Variants in GALNT13 observed in about 807,000 individuals in gnomAD.
GALNT13 encodes the protein polypeptide N-acetylgalactosaminyltransferase 13.
In GALNT13, 28 loss-of-function variants were observed where a neutral mutation model predicts 64.2. The observed-to-expected ratio is 0.44, with a 90% CI of 0.32 to 0.60. GALNT13 has a LOEUF of 0.60. Ranked by LOEUF, GALNT13 falls within the 20% of genes least tolerant of loss-of-function variation. GALNT13 has a pLI of 0.05. For synonymous variants in GALNT13, 214 were observed against 224.6 expected, an observed-to-expected ratio of 0.95 and a Z score of 0.42; for missense variants, 577 against 669.8, an observed-to-expected ratio of 0.86 and a Z score of 1.53.
chr2:154,172,920 G>A (rs549763283), intron 4 of GALNT13, among the ~76,000 whole-genome samples: 2 of 152,104 alleles, frequency 1.3e-5, no homozygotes, highest in Non-Finnish European at 1.5e-5. Flanking sequence ...TGGATTCACT[G>A]CAATCCCTAT....
At chr2:154,434,416 C>T (rs1700846829) in intron 11 of GALNT13, among the ~76,000 whole-genome samples, 2 of 152,156 alleles carry the variant, frequency 1.3e-5, no homozygotes, top group South Asian at 4.1e-4. Flanking sequence ...CCCACCACCA[C>T]ACCCTGCTAA....
intron 3 of GALNT13, among the ~76,000 whole-genome samples, chr2:153,994,503 CA>C (rs1234503087): frequency 3.9e-5 from 6 of 152,176 alleles, no homozygotes. Flanking sequence ...CTGTCTTCCA[CA>C]ATGGTTGAAC....
Position 154,105,472 on chromosome 2 carries a change from G to T in GALNT13, c.143-34865G>T, listed in dbSNP as rs1293664137. Among the ~76,000 whole-genome samples, 3 of 152,214 alleles carry T rather than the reference G, an allele frequency of 2.0e-5. No individual in the cohort carries two copies. In the East Asian group the frequency reaches 5.8e-4, roughly 29 times the overall value. ...CAGTATTCAGTAAAGTAACATGCTT[G>T]TAGTAAAGTACAGGCTGGTAGTCTA... On this transcript the variant is annotated intron_variant, in intron 3 of 12. Coordinates refer to ENST00000392825, the MANE Select transcript of GALNT13 (RefSeq NM_052917.4).
At chr2:153,653,529 TG>T in the GALNT13 span, among the ~76,000 whole-genome samples, 1 of 152,110 alleles carries the variant, frequency 6.6e-6, no homozygotes, top group Admixed American at 6.6e-5. Context: ...AATTAGATGT[TG>T]TGTGAGATAA....
chr2:153,565,580 T>C, the GALNT13 span, among the ~76,000 whole-genome samples: 26 of 152,216 alleles, frequency 1.7e-4, 1 homozygote, highest in Admixed American at 1.7e-3. Flanking sequence ...ACTATGACTA[T>C]AGGCAAGACA....
chr2:153,164,805 T>C, the GALNT13 span, among the ~76,000 whole-genome samples: 1 of 152,208 alleles, frequency 6.6e-6, no homozygotes, highest in Non-Finnish European at 1.5e-5. Flanking sequence ...TAATAGGACT[T>C]TGTACTCATT....
At chr2:154,010,368 TTTTG>T (rs1322067178) in intron 3 of GALNT13, among the ~76,000 whole-genome samples, 3 of 152,198 alleles carry the variant, frequency 2.0e-5, no homozygotes, top group African/African-American at 7.2e-5. Context: ...TTTGTTTTAG[TTTTG>T]TTTATGTGAT....
At chr2:154,157,755 C>T (rs1187845002) in intron 4 of GALNT13, among the ~76,000 whole-genome samples, 1 of 152,148 alleles carries the variant, frequency 6.6e-6, no homozygotes, top group Non-Finnish European at 1.5e-5. Flanking sequence ...AGCAAAATTG[C>T]TATTGCCGAG....
At chr2:153,079,044 G>T in the GALNT13 span, among the ~76,000 whole-genome samples, 1 of 152,130 alleles carries the variant, frequency 6.6e-6, no homozygotes, top group East Asian at 1.9e-4. Context: ...TATAGGTTTT[G>T]TTGTTACTTA....
At chr2:153,973,270 A>T (rs1037497649) in intron 3 of GALNT13, among the ~76,000 whole-genome samples, 1 of 151,962 alleles carries the variant, frequency 6.6e-6, no homozygotes, top group African/African-American at 2.4e-5. Flanking sequence ...GACCTCTATA[A>T]TTTACAACCT....
the GALNT13 span, among the ~76,000 whole-genome samples, chr2:153,794,185 A>C: frequency 6.6e-6 from 1 of 152,206 alleles, no homozygotes; most frequent in African/African-American, 2.4e-5. Flanking sequence ...CTAGGTTAAT[A>C]AACTTTTAAA....
the GALNT13 span, among the ~76,000 whole-genome samples, chr2:153,627,378 A>G: frequency 2.0e-5 from 3 of 152,130 alleles, no homozygotes; most frequent in African/African-American, 7.2e-5. Context: ...GCAAAGTAGA[A>G]TAAGTAGATA....
chr2:153,096,007 T>C, the GALNT13 span, among the ~76,000 whole-genome samples: 2 of 151,910 alleles, frequency 1.3e-5, no homozygotes, highest in African/African-American at 2.4e-5. Context: ...GTTGTGCACA[T>C]GTACCCTAGA....
the GALNT13 span, among the ~76,000 whole-genome samples, chr2:153,656,057 C>T: frequency 6.6e-6 from 1 of 152,222 alleles, no homozygotes; most frequent in Non-Finnish European, 1.5e-5. Context: ...TGGTATGTCT[C>T]CGTAATTAAA....
intron 4 of GALNT13, among the ~76,000 whole-genome samples, chr2:154,205,459 G>A (rs916405216): frequency 6.6e-6 from 1 of 152,150 alleles, no homozygotes; most frequent in African/African-American, 2.4e-5. Context: ...TTGTAAATTA[G>A]CTAGGCAATA....
chr2:153,132,973 G>A, the GALNT13 span, among the ~76,000 whole-genome samples: 2 of 151,684 alleles, frequency 1.3e-5, no homozygotes, highest in African/African-American at 2.4e-5. Flanking sequence ...TCTACCTGCC[G>A]TGGCCTCCCA....
At chr2:153,531,375 T>A in the GALNT13 span, among the ~76,000 whole-genome samples, 28,193 of 151,966 alleles carry the variant, frequency 0.19, 3,004 homozygotes, top group Admixed American at 0.31. Context: ...CCACACACTT[T>A]TAAACAATTA....
At chr2:153,887,393 AGAGTTATTGTAAG>A (rs1273955389) in intron 1 of GALNT13, among the ~76,000 whole-genome samples, 1 of 151,026 alleles carries the variant, frequency 6.6e-6, no homozygotes, top group Non-Finnish European at 1.5e-5. Flanking sequence ...AAGACCTGGA[AGAGTTATTGTAAG>A]GAGTTACTGC....
At chr2:153,825,459 TTAAG>T in the GALNT13 span, among the ~76,000 whole-genome samples, 9 of 152,178 alleles carry the variant, frequency 5.9e-5, no homozygotes, top group Admixed American at 1.3e-4. Context: ...TATCTTAGAA[TTAAG>T]TAAGTTATTA....
Sources: allele counts gnomAD v4.1 joint callset (sites outside exome capture counted in the v4.1 genomes callset), GRCh38; gene constraint gnomAD v4.1.1; transcripts MANE v1.5; gene names NCBI Gene and HGNC (gene_info 2026-07-23, HGNC 2026-07-21).